Variants in ARHGAP17 observed in about 807,000 individuals in gnomAD.
ARHGAP17 encodes the protein rho GTPase-activating protein 17.
ARHGAP17 carries 57 observed loss-of-function variants against 99.5 expected under a neutral mutation model. The observed-to-expected ratio is 0.57, with a 90% CI of 0.46 to 0.71. The LOEUF is 0.71. Ranked by LOEUF, ARHGAP17 falls within the 30% of genes least tolerant of loss-of-function variation. The pLI is 0.00. For missense variants in ARHGAP17, 1,000 were observed against 1,122.4 expected (o/e 0.89, Z 1.56); for synonymous variants, 417 against 429.6 (o/e 0.97, Z 0.36).
chr16:24,940,962 A>G (rs1054760231), intron 16 of ARHGAP17, among the ~76,000 whole-genome samples: 1 of 152,228 alleles, frequency 6.6e-6, no homozygotes. Context: ...CATGCACTGT[A>G]TTCTGTAACT....
intron 3 of ARHGAP17, among the ~76,000 whole-genome samples, chr16:24,975,453 C>G (rs1159027618): frequency 6.6e-6 from 1 of 152,108 alleles, no homozygotes; most frequent in Non-Finnish European, 1.5e-5. Context: ...AAGAAGGCAA[C>G]AGAAGGACAA....
Position 24,964,194 on chromosome 16 carries a change from T to C in ARHGAP17, c.573+3A>G. 1 of 1,545,638 alleles carries C rather than the reference T, an allele frequency of 6.5e-7. No individual in the cohort carries two copies. The highest frequency in any genetic ancestry group is 1.3e-5 in the South Asian group (1 of 79,590). ...AGATACATTTATCAAGGAATTCTCA[T>C]ACCTTGCACTGTTCTACTTTATTTC... On this transcript the variant is annotated splice_donor_region_variant and intron_variant, in intron 7 of 19. Transcript: ENST00000289968.
At chr16:24,949,323 G>T in intron 13 of ARHGAP17, 81 bp downstream of exon 13, 1 of 1,104,420 alleles carries the variant, frequency 9.1e-7, no homozygotes, top group Non-Finnish European at 1.3e-6. Flanking sequence ...AATGTGCCAA[G>T]TATGCCTGAA....
At chr16:24,990,018 T>A (rs1034338960) in intron 1 of ARHGAP17, among the ~76,000 whole-genome samples, 1 of 152,236 alleles carries the variant, frequency 6.6e-6, no homozygotes, top group Non-Finnish European at 1.5e-5. Context: ...GGATTTTGAA[T>A]GTTCACAATA....
At chr16:24,929,231 T>C (rs893372591) in intron 19 of ARHGAP17, among the ~76,000 whole-genome samples, 3 of 150,322 alleles carry the variant, frequency 2.0e-5, no homozygotes, top group African/African-American at 7.4e-5. Flanking sequence ...AGTGACACAA[T>C]CACTACCCAC....
chr16:24,999,747 A>C (rs1350069125), intron 1 of ARHGAP17, among the ~76,000 whole-genome samples: 1 of 152,042 alleles, frequency 6.6e-6, no homozygotes, highest in African/African-American at 2.4e-5. Context: ...TTCTTTCTCC[A>C]CATTTTTATG....
At chr16:24,968,545 C>T in intron 5 of ARHGAP17, 116 bp downstream of exon 5, 1 of 1,494,388 alleles carries the variant, frequency 6.7e-7, no homozygotes, top group Non-Finnish European at 9.3e-7. Flanking sequence ...AATTGACTCC[C>T]CTTATTTCCA....
chr16:24,927,628 A>T (rs919514057), intron 19 of ARHGAP17: 20 of 998,200 alleles, frequency 2.0e-5, no homozygotes, highest in Non-Finnish European at 2.6e-5. Flanking sequence ...ATGAGTGCAC[A>T]AATATGATCA....
intron 1 of ARHGAP17, among the ~76,000 whole-genome samples, chr16:24,994,360 A>G (rs528664793): frequency 2.0e-5 from 3 of 152,348 alleles, no homozygotes; most frequent in South Asian, 4.1e-4. Flanking sequence ...TACACAGCCC[A>G]TCAACAAATT....
Position 24,939,465 on chromosome 16 carries a change from C to T in ARHGAP17, c.1623G>A (p.Glu541=), listed in dbSNP as rs747929231. The T allele has an allele frequency of 8.1e-6, 13 of 1,611,178 alleles. No homozygotes were observed. Among genetic ancestry groups the T allele is most frequent in the Non-Finnish European group, 1.1e-5 (13 of 1,179,154 alleles). ...DGSTVVPAGP[E]PPPQSSRAES... ...CAGCCCTAGAGCTCTGGGGAGGGGG[C>T]TCTGGGCCAGCGGGCACCACGGTGC... Residue 541 remains glutamate (E), a synonymous_variant, in exon 17 of 20, where the codon GAG becomes GAA. Coordinates refer to ENST00000289968, the MANE Select transcript of ARHGAP17 (RefSeq NM_001006634.3).
intron 1 of ARHGAP17, among the ~76,000 whole-genome samples, chr16:24,982,996 A>ATTTATTTTTTTT (rs2052741566): frequency 2.1e-5 from 1 of 46,976 alleles, no homozygotes; most frequent in African/African-American, 8.7e-5. Context: ...ATATATATAT[A>ATTTATTTTTTTT]TTTTTTTTTT....
intron 6 of ARHGAP17, 51 bp downstream of exon 6, chr16:24,968,300 C>T (rs748382429): frequency 3.8e-6 from 6 of 1,590,860 alleles, no homozygotes; most frequent in Non-Finnish European, 3.5e-6. Flanking sequence ...TGGTCTTCTC[C>T]CCCGTGGTGG....
At chr16:24,967,546 T>C (rs2052224716) in intron 6 of ARHGAP17, among the ~76,000 whole-genome samples, 2 of 152,006 alleles carry the variant, frequency 1.3e-5, no homozygotes, top group African/African-American at 4.8e-5. Context: ...GTACCACGGC[T>C]CATGGCTGTA....
chr16:24,973,984 G>A (rs1306956013), intron 3 of ARHGAP17, among the ~76,000 whole-genome samples: 2 of 152,222 alleles, frequency 1.3e-5, no homozygotes, highest in Admixed American at 1.3e-4. Flanking sequence ...AAGCTGATAA[G>A]GAGAAATGGA....
At chr16:24,984,022 G>C (rs2141389186) in intron 1 of ARHGAP17, among the ~76,000 whole-genome samples, 1 of 152,308 alleles carries the variant, frequency 6.6e-6, no homozygotes, top group South Asian at 2.1e-4. Context: ...TGCCAGGCAA[G>C]GAGAAAACAG....
intron 6 of ARHGAP17, among the ~76,000 whole-genome samples, 196 bp downstream of exon 6, chr16:24,968,155 G>A (rs903010684): frequency 6.6e-6 from 1 of 152,182 alleles, no homozygotes; most frequent in African/African-American, 2.4e-5. Flanking sequence ...GGCTCACTAA[G>A]AACAGGATGT....
At chr16:24,940,046 G>A (rs1597377625) in intron 16 of ARHGAP17, 2 of 180,114 alleles carry the variant, frequency 1.1e-5, no homozygotes, top group South Asian at 2.2e-4. Flanking sequence ...AGCCTCTGGA[G>A]CAGCTTGGAC....
At chr16:24,933,095 T>C (rs1404885885) in intron 18 of ARHGAP17, among the ~76,000 whole-genome samples, 1 of 152,116 alleles carries the variant, frequency 6.6e-6, no homozygotes, top group East Asian at 1.9e-4. Context: ...ACACAGCTAG[T>C]AAGGGGCAGA....
chr16:24,939,443 C>T lies in ARHGAP17; in HGVS notation c.1645G>A (p.Ala549Thr), dbSNP rs764899218. The T allele has an allele frequency of 1.9e-6, 3 of 1,611,922 alleles. No individual in the cohort carries two copies. The highest frequency in any genetic ancestry group is 3.3e-5 in the Admixed American group (2 of 59,830). Residue 549 changes from alanine (A) to threonine (T), a missense_variant, in exon 17 of 20, where the codon GCT becomes ACT. Physicochemically the swap from Ala to Thr is moderately conservative, Grantham distance 58. Transcript: ENST00000289968. ...GPEPPPQSSRAESSSGGGTVP... is the reference protein window; with the variant it reads ...GPEPPPQSSRTESSSGGGTVP... ...GTCCCACCCCCAGAGCTGCTTTCAG[C>T]CCTAGAGCTCTGGGGAGGGGGCTCT...
Sources: allele counts gnomAD v4.1 joint callset (sites outside exome capture counted in the v4.1 genomes callset), GRCh38; gene constraint gnomAD v4.1.1; transcripts MANE v1.5; gene names NCBI Gene and HGNC (gene_info 2026-07-23, HGNC 2026-07-21).